PCDH15: variants seen among roughly 807,000 people sequenced by gnomAD.
The protein encoded by PCDH15 is protocadherin related 15, also known as protocadherin-15.
A neutral mutation model predicts 178.5 loss-of-function variants in PCDH15; 129 were observed. The ratio of observed to expected loss-of-function variants is 0.72; its 90% CI spans 0.63 to 0.84. The LOEUF is 0.84. Among genes scored for constraint, PCDH15 ranks in the 40% least tolerant of loss-of-function variants. PCDH15 has a pLI of 0.00. For missense variants in PCDH15, 2,230 were observed against 2,099.9 expected (o/e 1.06, Z -1.21); for synonymous variants, 800 against 732.0 (o/e 1.09, Z -1.50).
At chr10:54,281,962 T>C (rs1276126928) in intron 8 of PCDH15, among the ~76,000 whole-genome samples, 2 of 152,110 alleles carry the variant, frequency 1.3e-5, no homozygotes, top group Admixed American at 1.3e-4. Context: ...CCCATGTCAA[T>C]TATTTAAAGG....
chr10:54,424,115 C>G (rs1565237723), intron 3 of PCDH15, among the ~76,000 whole-genome samples: 1 of 151,894 alleles, frequency 6.6e-6, no homozygotes. Flanking sequence ...ATCTACTTAT[C>G]TGACAAAGGG....
intron 2 of PCDH15, among the ~76,000 whole-genome samples, chr10:55,031,091 CTG>C (rs1215135897): frequency 3.9e-5 from 6 of 151,904 alleles, no homozygotes; most frequent in Non-Finnish European, 5.9e-5. Context: ...ATTGATGACA[CTG>C]TAAGATTTGT....
intron 1 of PCDH15, among the ~76,000 whole-genome samples, chr10:55,303,904 A>C (rs572993924): frequency 2.6e-5 from 4 of 152,144 alleles, no homozygotes; most frequent in African/African-American, 7.2e-5. Flanking sequence ...TTCTGATCAT[A>C]TATTATTTCC....
At chr10:55,319,769 G>A (rs1843838100), upstream of PCDH15, among the ~76,000 whole-genome samples, 1 of 152,168 alleles carries the variant, frequency 6.6e-6, no homozygotes, top group Non-Finnish European at 1.5e-5. Context: ...AGTTGGCAGG[G>A]ACAGCTGCTT....
At chr10:54,240,248 T>C (rs79444053) in intron 8 of PCDH15, among the ~76,000 whole-genome samples, 8,205 of 150,778 alleles carry the variant, frequency 0.054, 542 homozygotes, top group African/African-American at 0.17. Flanking sequence ...AATAATAATA[T>C]GTACGTATTC....
intron 3 of PCDH15, among the ~76,000 whole-genome samples, chr10:54,409,790 C>A (rs1399785513): frequency 1.3e-5 from 2 of 151,790 alleles, no homozygotes; most frequent in Non-Finnish European, 2.9e-5. Context: ...AGAGTTAGTC[C>A]CCCATGTTGA....
intron 5 of PCDH15, among the ~76,000 whole-genome samples, chr10:54,357,761 G>C (rs866671198): frequency 5.3e-5 from 8 of 151,828 alleles, no homozygotes; most frequent in Admixed American, 2.0e-4. Flanking sequence ...TGACTTCAAA[G>C]TATACTACAA....
At chr10:55,042,949 G>C (rs992925690) in intron 2 of PCDH15, among the ~76,000 whole-genome samples, 1 of 151,682 alleles carries the variant, frequency 6.6e-6, no homozygotes, top group Non-Finnish European at 1.5e-5. Context: ...AATTTTACTT[G>C]TGTGTGTGTG....
In PCDH15 at chr10:54,752,498, ACAAAAAAC is replaced by A. The variant is rs1220408545; in HGVS notation, c.-29+48419_-29+48426del. 5.6e-3 allele frequency among the ~76,000 whole-genome samples: 588 copies of A among 104,226 alleles called. 78 individuals are homozygous for A. Among genetic ancestry groups the A allele is most frequent in the Non-Finnish European group, 0.01 (470 of 46,840 alleles). 68.4% of individuals were successfully genotyped at this position (104,226 alleles called of 152,430 possible). On this transcript the variant is annotated intron_variant, in intron 1 of 37. Coordinates refer to ENST00000644397, the MANE Select transcript of PCDH15 (RefSeq NM_001384140.1). ...TCTCAAAAAAAAAAAAAAACAAAAA[ACAAAAAAC>A]AAAAAACAAACAAACAAACAAACAA...
At chr10:54,341,945 T>C (rs1565017869) in intron 6 of PCDH15, among the ~76,000 whole-genome samples, 2 of 152,196 alleles carry the variant, frequency 1.3e-5, no homozygotes, top group South Asian at 2.1e-4. Flanking sequence ...GTATTCAAGA[T>C]GTGACCTGTC....
intron 1 of PCDH15, among the ~76,000 whole-genome samples, chr10:54,666,101 G>A (rs2094567143): frequency 6.6e-6 from 1 of 151,940 alleles, no homozygotes; most frequent in Non-Finnish European, 1.5e-5. Context: ...AATACGTAAG[G>A]GAATATAAAT....
At chr10:55,213,040 T>G (rs140243285) in intron 1 of PCDH15, among the ~76,000 whole-genome samples, 1 of 152,254 alleles carries the variant, frequency 6.6e-6, no homozygotes, top group Non-Finnish European at 1.5e-5. Context: ...ATTCCTTCTG[T>G]TCAAACACAT....
chr10:54,386,612 C>A (rs1266148981), intron 3 of PCDH15, among the ~76,000 whole-genome samples: 1 of 151,866 alleles, frequency 6.6e-6, no homozygotes, highest in East Asian at 1.9e-4. Context: ...CTTCTGAAAT[C>A]CAACGAAAAA....
chr10:54,756,882 A>G (rs1947204395), intron 1 of PCDH15, among the ~76,000 whole-genome samples: 1 of 152,208 alleles, frequency 6.6e-6, no homozygotes, highest in Admixed American at 6.5e-5. Context: ...ATACATCCAC[A>G]GTGCAATTTA....
intron 18 of PCDH15, among the ~76,000 whole-genome samples, chr10:54,049,360 T>C (rs1323650233): frequency 1.3e-5 from 2 of 152,172 alleles, no homozygotes; most frequent in Non-Finnish European, 2.9e-5. Flanking sequence ...TGTCTTTTAT[T>C]TCTTTCTTTG....
At chr10:55,486,556 G>T (rs183222593) in intron 2 of PCDH15, among the ~76,000 whole-genome samples, 1 of 151,638 alleles carries the variant, frequency 6.6e-6, no homozygotes, top group East Asian at 2.0e-4. Flanking sequence ...AATTAGTCTT[G>T]TCCATATAGG....
chr10:54,218,503 T>C (rs2134157799), intron 9 of PCDH15, among the ~76,000 whole-genome samples: 1 of 151,464 alleles, frequency 6.6e-6, no homozygotes, highest in South Asian at 2.1e-4. Context: ...ACTGGTGTTC[T>C]CTTTGTCTCT....
At chr10:55,599,894 G>C in intron 2 of PCDH15, 1 of 1,512,840 alleles carries the variant, frequency 6.6e-7, no homozygotes, top group African/African-American at 1.4e-5. Flanking sequence ...GTAGGGACTT[G>C]TATGAATGGC....
chr10:54,769,325 T>TC (rs1249362856), intron 1 of PCDH15, among the ~76,000 whole-genome samples: 3 of 151,610 alleles, frequency 2.0e-5, no homozygotes, highest in Non-Finnish European at 4.4e-5. Context: ...CAATGCCTTT[T>TC]TTTTTTTTTT....
Sources: allele counts gnomAD v4.1 joint callset (sites outside exome capture counted in the v4.1 genomes callset), GRCh38; gene constraint gnomAD v4.1.1; transcripts MANE v1.5; gene names NCBI Gene and HGNC (gene_info 2026-07-23, HGNC 2026-07-21).